The following ARMC3 variants were observed in gnomAD, a reference collection of about 807,000 sequenced individuals.
ARMC3 encodes armadillo repeat-containing protein 3.
In ARMC3, 74 loss-of-function variants were observed where a neutral mutation model predicts 90.3. That is an observed-to-expected ratio of 0.82 (90% CI 0.68 to 0.99). ARMC3 has a LOEUF of 0.99. Ranked by LOEUF, ARMC3 falls within the 50% of genes least tolerant of loss-of-function variation. The pLI is 0.00. For synonymous variants in ARMC3, 334 were observed against 361.8 expected (o/e 0.92, Z 0.87); for missense variants, 958 against 1,042.8 (o/e 0.92, Z 1.12).
In ARMC3 at chr10:22,973,294, TAATAATAATAA is replaced by T. The variant is rs1020966864; in HGVS notation, c.916+4806_916+4816del. On this transcript the variant is annotated intron_variant, in intron 8 of 18. Transcript: ENST00000298032. The stretch of plus-strand genomic sequence containing the variant: ...AGCCTGGGTAACTGAGCAAGACCCT[TAATAATAATAA>T]TAATAATAATAATAATAATAATAAT... Among the ~76,000 whole-genome samples the T allele has an allele frequency of 1.6e-3, 84 of 53,030 alleles. No homozygotes were observed. The South Asian group carries it at 0.048, about 31-fold the overall frequency. The allele number at this position is 53,030 out of a possible 152,430, so 34.8% of individuals were successfully genotyped here.
intron 3 of ARMC3, among the ~76,000 whole-genome samples, chr10:22,950,797 C>A (rs1834712224): frequency 6.6e-6 from 1 of 151,914 alleles, no homozygotes; most frequent in South Asian, 2.1e-4. Context: ...GTCATGCTAG[C>A]ATGAATCAAA....
chr10:22,976,392 C>T (rs934904486), intron 8 of ARMC3, among the ~76,000 whole-genome samples: 1 of 152,226 alleles, frequency 6.6e-6, no homozygotes, highest in African/African-American at 2.4e-5. Flanking sequence ...GACCTCTCAA[C>T]TCCGAAATCC....
chr10:23,001,108 TG>T (rs1486472641), intron 11 of ARMC3, among the ~76,000 whole-genome samples: 1 of 152,250 alleles, frequency 6.6e-6, no homozygotes, highest in African/African-American at 2.4e-5. Flanking sequence ...TTGCTTTGGC[TG>T]CAGTGCTGAC....
intron 3 of ARMC3, among the ~76,000 whole-genome samples, chr10:22,948,258 T>C (rs948467857): frequency 6.6e-6 from 1 of 152,120 alleles, no homozygotes; most frequent in Non-Finnish European, 1.5e-5. Context: ...CAGGGAGATA[T>C]TGGATTGTGC....
intron 17 of ARMC3, among the ~76,000 whole-genome samples, chr10:23,031,564 C>T (rs987499620): frequency 4.6e-5 from 7 of 152,180 alleles, no homozygotes; most frequent in African/African-American, 1.4e-4. Flanking sequence ...GCTGCCAGAT[C>T]ATTGACTCTT....
chr10:23,014,920 C>A (rs1400523587), intron 16 of ARMC3, among the ~76,000 whole-genome samples: 2 of 139,768 alleles, frequency 1.4e-5, no homozygotes, highest in African/African-American at 5.3e-5. Flanking sequence ...CCCCATGACA[C>A]AAATTGCCTA....
At chr10:23,007,028 G>A in intron 14 of ARMC3, 47 bp downstream of exon 14, 1 of 1,385,376 alleles carries the variant, frequency 7.2e-7, no homozygotes, top group East Asian at 2.4e-5. Flanking sequence ...CATACTGCTT[G>A]TTGTTGTTGT....
In ARMC3 at chr10:22,981,680, T is replaced by C. The variant is rs1194294943; in HGVS notation, c.1155T>C (p.Thr385=). 6.2e-7 allele frequency: 1 copy of C among 1,613,750 alleles called. No individual in the cohort carries two copies. Among genetic ancestry groups the C allele is most frequent in the African/African-American group, 1.3e-5 (1 of 74,920 alleles). ...CTCTAGCCCTGGCAAACCTAACCAC[T>C]TGCAACCCTGCTAATGCAAAGTAAG... ...AAALALANLT[T]CNPANANAAA... The change falls in exon 10 of 19, where the codon ACT becomes ACC. Residue 385 remains threonine (T), a synonymous_variant. Transcript: ENST00000298032.
chr10:23,018,018 A>G (rs967626856), intron 16 of ARMC3, among the ~76,000 whole-genome samples: 2 of 152,268 alleles, frequency 1.3e-5, no homozygotes, highest in Non-Finnish European at 2.9e-5. Context: ...GCAGTGTGGT[A>G]GATATTTAGA....
intron 15 of ARMC3, among the ~76,000 whole-genome samples, chr10:23,008,606 C>T (rs1377483288): frequency 6.6e-6 from 1 of 152,176 alleles, no homozygotes; most frequent in Non-Finnish European, 1.5e-5. Context: ...GGCCACATGA[C>T]TTAGTGTCTG....
chr10:22,981,767 T>A, intron 10 of ARMC3, 67 bp downstream of exon 10: 1 of 1,328,326 alleles, frequency 7.5e-7, no homozygotes, highest in Non-Finnish European at 1.1e-6. Flanking sequence ...TGTTCTCCTG[T>A]TAGTATATTG....
In ARMC3 at chr10:22,981,676, C is replaced by A; in HGVS notation, c.1151C>A (p.Thr384Asn). The change falls in exon 10 of 19, where the codon ACC (threonine) becomes AAC (asparagine). Residue 384 changes from threonine to asparagine, a missense_variant. Physicochemically the swap from Thr to Asn is moderately conservative, Grantham distance 65. Coordinates refer to ENST00000298032, the MANE Select transcript of ARMC3 (RefSeq NM_173081.5). ...EAAALALANL[T>N]TCNPANANAA... is the part of the protein sequence containing the mutation. The stretch of plus-strand genomic sequence containing the variant: ...GCAGCTCTAGCCCTGGCAAACCTAA[C>A]CACTTGCAACCCTGCTAATGCAAAG... 6.2e-7 allele frequency: 1 copy of A among 1,613,936 alleles called. No homozygotes were observed. The highest frequency in any genetic ancestry group is 1.6e-4 in the Middle Eastern group (1 of 6,062).
chr10:22,972,371 A>T (rs551631478), intron 8 of ARMC3, among the ~76,000 whole-genome samples: 1 of 152,284 alleles, frequency 6.6e-6, no homozygotes, highest in South Asian at 2.1e-4. Flanking sequence ...GTATAAAATT[A>T]TGGTCCCAGT....
At chr10:23,027,905 C>T (rs1838778698) in intron 16 of ARMC3, among the ~76,000 whole-genome samples, 1 of 151,988 alleles carries the variant, frequency 6.6e-6, no homozygotes, top group African/African-American at 2.4e-5. Context: ...TTTTGGGAGG[C>T]CAAGGCAGGA....
rs538160805 is a variant in ARMC3, at chr10:22,950,931, G to GA, written c.166+4675dup. On this transcript the variant is annotated intron_variant, in intron 3 of 18. Coordinates refer to ENST00000298032, the MANE Select transcript of ARMC3 (RefSeq NM_173081.5). ...AGGGATCAGTTAATCAAAAGACTGT[G>GA]AAAAATCTTTTTTTTTTTTTTTTTG... Among the ~76,000 whole-genome samples the GA allele has an allele frequency of 8.2e-4, 124 of 150,420 alleles. 1 individual carries two copies. Among genetic ancestry groups the GA allele is most frequent in the African/African-American group, 3.0e-3 (124 of 41,188 alleles).
intron 7 of ARMC3, among the ~76,000 whole-genome samples, chr10:22,964,736 C>T (rs1325316667): frequency 1.3e-5 from 2 of 150,744 alleles, no homozygotes; most frequent in South Asian, 2.1e-4. Flanking sequence ...CCACTGCACC[C>T]GGCCCCCCGT....
intron 7 of ARMC3, 79 bp from the exon 8 acceptor site, chr10:22,968,221 CTGACTT>C: frequency 7.9e-7 from 1 of 1,268,630 alleles, no homozygotes; most frequent in Non-Finnish European, 1.1e-6. Context: ...TGTGTTCTGA[CTGACTT>C]TATTTCCTCT....
At position 23,026,163 on chromosome 10, in the gene ARMC3, A is replaced by G. The variant is rs557622336; in HGVS notation, c.2046-4433A>G. Among the ~76,000 whole-genome samples the G allele has an allele frequency of 3.9e-5, 6 of 152,280 alleles. No individual in the cohort carries two copies. The Middle Eastern group carries it at 0.01, about 259-fold the overall frequency. On this transcript the variant is annotated intron_variant, in intron 16 of 18. Coordinates refer to ENST00000298032, the MANE Select transcript of ARMC3 (RefSeq NM_173081.5). The stretch of plus-strand genomic sequence containing the variant: ...TTCACCAAACACTTAAAGAATTAAC[A>G]TCAATTGTACACAATTTTTTTCAGA...
intron 7 of ARMC3, among the ~76,000 whole-genome samples, chr10:22,967,001 G>A (rs977878425): frequency 6.6e-6 from 1 of 151,842 alleles, no homozygotes; most frequent in Non-Finnish European, 1.5e-5. Flanking sequence ...TTTGGGGGCG[G>A]GGGTGGGTAG....
Sources: allele counts gnomAD v4.1 joint callset (sites outside exome capture counted in the v4.1 genomes callset), GRCh38; gene constraint gnomAD v4.1.1; transcripts MANE v1.5; gene names NCBI Gene and HGNC (gene_info 2026-07-23, HGNC 2026-07-21).